Variants in FAM193B observed in about 807,000 individuals in gnomAD.
FAM193B encodes protein FAM193B.
In FAM193B, 27 loss-of-function variants were observed where a neutral mutation model predicts 70.7. That is an observed-to-expected ratio of 0.38 (90% CI 0.28 to 0.53). FAM193B has a LOEUF of 0.53. Among genes scored for constraint, FAM193B ranks in the 20% least tolerant of loss-of-function variants. The probability of loss-of-function intolerance (pLI) is 0.81; values close to 1 mark genes in which losing one functional copy is unlikely to be tolerated. For missense variants in FAM193B, 1,022 were observed against 1,072.5 expected, an observed-to-expected ratio of 0.95 and a Z score of 0.66; for synonymous variants, 448 against 436.0, an observed-to-expected ratio of 1.03 and a Z score of -0.34.
In FAM193B at chr5:177,550,942, G is replaced by A. The variant is rs368243231; in HGVS notation, c.210+3307C>T. Among the ~76,000 whole-genome samples, 15 of 152,172 alleles carry A rather than the reference G, an allele frequency of 9.9e-5. No individual in the cohort carries two copies. The East Asian group carries it at 2.5e-3, about 25-fold the overall frequency. ...ATTCCTGGGTTCAAGCAATCCTCCC[G>A]CCTCAGCATCCCAACTAGCTGAGAC... On this transcript the variant is annotated intron_variant, in intron 1 of 8. Transcript: ENST00000514747.
intron 5 of FAM193B, among the ~76,000 whole-genome samples, chr5:177,525,956 G>A (rs895341009): frequency 6.6e-6 from 1 of 152,244 alleles, no homozygotes; most frequent in African/African-American, 2.4e-5. Flanking sequence ...CAAGGCCAAC[G>A]ATGCCTTTAG....
At chr5:177,520,996 G>A (rs1172308854) in intron 8 of FAM193B, among the ~76,000 whole-genome samples, 3 of 152,218 alleles carry the variant, frequency 2.0e-5, no homozygotes, top group Non-Finnish European at 4.4e-5. Context: ...TGAGGGTCCA[G>A]GAAGTTTGCT....
intron 1 of FAM193B, among the ~76,000 whole-genome samples, chr5:177,548,392 C>T (rs1561787712): frequency 2.0e-5 from 3 of 152,192 alleles, no homozygotes; most frequent in Non-Finnish European, 1.5e-5. Context: ...AGATTATACA[C>T]AATGGAAGTT....
intron 1 of FAM193B, among the ~76,000 whole-genome samples, chr5:177,546,605 T>A (rs1292475004): frequency 2.6e-5 from 4 of 152,214 alleles, no homozygotes; most frequent in Non-Finnish European, 5.9e-5. Context: ...ATTCTAATGC[T>A]GACAATCAGA....
chr5:177,522,321 T>C (rs337385), intron 7 of FAM193B, among the ~76,000 whole-genome samples: 61,940 of 151,982 alleles, frequency 0.41, 13,139 homozygotes, highest in South Asian at 0.47. Flanking sequence ...ATCTGGTGTT[T>C]GATTCTCTAG....
intron 1 of FAM193B, among the ~76,000 whole-genome samples, chr5:177,542,818 T>C (rs1338039697): frequency 6.6e-6 from 1 of 152,236 alleles, no homozygotes; most frequent in African/African-American, 2.4e-5. Context: ...TTTATTTTCC[T>C]GTATCTTCCA....
intron 1 of FAM193B, among the ~76,000 whole-genome samples, chr5:177,544,555 A>C (rs1765198327): frequency 6.6e-6 from 1 of 152,246 alleles, no homozygotes. Context: ...GCAATGATAT[A>C]AAATGCAAGC....
intron 1 of FAM193B, 87 bp downstream of exon 1, chr5:177,554,162 G>A: frequency 1.4e-6 from 2 of 1,455,226 alleles, no homozygotes; most frequent in Admixed American, 2.2e-5. Flanking sequence ...CGGCAGGATG[G>A]CCCATCCCCA....
At chr5:177,530,805 G>A (rs1246557439) in intron 5 of FAM193B, among the ~76,000 whole-genome samples, 2 of 152,154 alleles carry the variant, frequency 1.3e-5, no homozygotes, top group Non-Finnish European at 2.9e-5. Flanking sequence ...CCTGCTGCCA[G>A]GAGGGCCCTC....
intron 1 of FAM193B, among the ~76,000 whole-genome samples, chr5:177,543,568 AT>A (rs1438590084): frequency 2.6e-5 from 4 of 152,240 alleles, no homozygotes; most frequent in African/African-American, 9.6e-5. Flanking sequence ...CCTAGGTATG[AT>A]GCCTTGTGGA....
In FAM193B at chr5:177,551,993, G is replaced by A. The variant is rs114192142; in HGVS notation, c.210+2256C>T. The A allele has an allele frequency of 2.8e-3, 2,728 of 980,692 alleles. 57 individuals carry two copies. The African/African-American group carries it at 0.044, about 16-fold the overall frequency. 60.7% of individuals were successfully genotyped at this position (980,692 alleles called of 1,614,324 possible). A position where few individuals can be genotyped will look rare whatever the true frequency, so the allele number is the denominator to read the frequency against. ...ATTTACCAGTTTGTTTCCCTTCTTT[G>A]GGGCTATAGTTTAAAAAAAAATGCC... On this transcript the variant is annotated intron_variant, in intron 1 of 8. Coordinates refer to ENST00000514747, the MANE Select transcript of FAM193B (RefSeq NM_001190946.3).
chr5:177,553,244 C>G, intron 1 of FAM193B: 2 of 986,236 alleles, frequency 2.0e-6, no homozygotes, highest in Non-Finnish European at 2.4e-6. Flanking sequence ...CCAGAGTCCC[C>G]TGCTGCCCGA....
chr5:177,553,782 AG>A, intron 1 of FAM193B: 1 of 1,287,234 alleles, frequency 7.8e-7, no homozygotes, highest in Non-Finnish European at 1.0e-6. Context: ...ACAGCTGCTG[AG>A]GGGGCCGCGG....
At chr5:177,533,383 C>A (rs1763773270) in intron 4 of FAM193B, among the ~76,000 whole-genome samples, 1 of 151,598 alleles carries the variant, frequency 6.6e-6, no homozygotes, top group Non-Finnish European at 1.5e-5. Flanking sequence ...CGGCTCACTG[C>A]AAACTCCGCC....
chr5:177,520,361 G>C (rs1761529179), intron 8 of FAM193B, among the ~76,000 whole-genome samples, 180 bp from the exon 9 acceptor site: 1 of 152,230 alleles, frequency 6.6e-6, no homozygotes, highest in Non-Finnish European at 1.5e-5. Context: ...CAGGTTAACG[G>C]GTTGGGAGAC....
At chr5:177,533,289 C>T (rs894113515) in intron 4 of FAM193B, among the ~76,000 whole-genome samples, 2 of 151,664 alleles carry the variant, frequency 1.3e-5, no homozygotes, top group African/African-American at 4.8e-5. Flanking sequence ...CTGTTTGTGC[C>T]AGGTTCTAGA....
In FAM193B at chr5:177,524,935, G is replaced by C; in HGVS notation, c.1546C>G (p.Pro516Ala). 1 of 1,507,760 alleles carries C rather than the reference G, an allele frequency of 6.6e-7. No homozygotes were observed. Among genetic ancestry groups the C allele is most frequent in the South Asian group, 1.4e-5 (1 of 73,524 alleles). The allele number at this position is 1,507,760 out of a possible 1,614,324, so 93.4% of individuals were successfully genotyped here. ...GAGGAGCCACTGAGGTTTGAGGGGG[G>C]TAGACTCTGAGGCTCAGGCTCAGCA... Reference protein sequence around the residue: ...GAAEPEPQSLPPSNLSGSSEQ... With the variant: ...GAAEPEPQSLAPSNLSGSSEQ... Residue 516 changes from proline (P) to alanine (A), a missense_variant, in exon 6 of 9, where the codon CCC becomes GCC. Coordinates refer to ENST00000514747, the MANE Select transcript of FAM193B (RefSeq NM_001190946.3).
chr5:177,531,312 G>A (rs375565581), intron 5 of FAM193B: 2 of 1,348,036 alleles, frequency 1.5e-6, no homozygotes, highest in South Asian at 2.3e-5. Flanking sequence ...GGGCCCGCTT[G>A]GCGGCCCTGG....
intron 4 of FAM193B, among the ~76,000 whole-genome samples, chr5:177,534,399 C>T (rs1431633142): frequency 3.3e-5 from 5 of 149,792 alleles, no homozygotes; most frequent in Non-Finnish European, 1.5e-5. Flanking sequence ...CAGGTTCATG[C>T]GATTCTCCTG....
Sources: gnomAD v4.1 joint callset for allele counts (sites outside exome capture counted in the v4.1 genomes callset) on GRCh38, gnomAD v4.1.1 for gene constraint, MANE v1.5 for transcripts, NCBI Gene and HGNC (gene_info 2026-07-23, HGNC 2026-07-21) for gene names.